The following PRELID2 variants were observed in gnomAD, a reference collection of about 807,000 sequenced individuals.
The protein encoded by PRELID2 is PRELI domain containing 2.
Under a neutral mutation model 28.4 loss-of-function variants are expected in PRELID2, and 25 were observed. The ratio of observed to expected loss-of-function variants is 0.88; its 90% CI spans 0.64 to 1.23. The LOEUF (loss-of-function observed/expected upper bound fraction) is 1.23, where lower values mean the gene tolerates loss of function less well. PRELID2 is among the 50% of genes most tolerant of loss of function. The pLI is 0.00. For synonymous variants in PRELID2, 76 were observed against 71.6 expected, an observed-to-expected ratio of 1.06 and a Z score of -0.31; for missense variants, 201 against 214.4, an observed-to-expected ratio of 0.94 and a Z score of 0.39.
intron 1 of PRELID2, among the ~76,000 whole-genome samples, chr5:145,527,730 G>T (rs1473742108): frequency 2.6e-5 from 4 of 152,146 alleles, no homozygotes; most frequent in Non-Finnish European, 4.4e-5. Flanking sequence ...CCTTCAGCAA[G>T]TTGTTTAACT....
At chr5:145,632,588 T>C (rs1753947931) in intron 1 of PRELID2, among the ~76,000 whole-genome samples, 1 of 152,076 alleles carries the variant, frequency 6.6e-6, no homozygotes, top group Non-Finnish European at 1.5e-5. Context: ...ATTTTGCAAA[T>C]TTTGAAATAT....
intron 1 of PRELID2, among the ~76,000 whole-genome samples, chr5:145,675,495 C>G (rs1220613290): frequency 6.6e-6 from 1 of 152,168 alleles, no homozygotes; most frequent in Admixed American, 6.5e-5. Context: ...AGCATTTACC[C>G]TTTGACTCAG....
At chr5:145,508,589 G>T (rs1450898812) in intron 1 of PRELID2, among the ~76,000 whole-genome samples, 4 of 152,064 alleles carry the variant, frequency 2.6e-5, no homozygotes, top group Non-Finnish European at 4.4e-5. Flanking sequence ...TAAAAAGAAA[G>T]AAAACATTGT....
At chr5:145,600,299 G>A (rs62394188) in intron 1 of PRELID2, among the ~76,000 whole-genome samples, 15,918 of 151,264 alleles carry the variant, frequency 0.11, 1,115 homozygotes, top group Admixed American at 0.2. Flanking sequence ...GCTAGATCCC[G>A]AGTAAAATCT....
intron 1 of PRELID2, among the ~76,000 whole-genome samples, chr5:145,582,149 T>A (rs750056491): frequency 2.6e-4 from 40 of 152,190 alleles, no homozygotes; most frequent in Non-Finnish European, 4.4e-4. Flanking sequence ...TATCACCTAC[T>A]GTCAAGGAAG....
At chr5:145,269,625 AT>A in the PRELID2 span, among the ~76,000 whole-genome samples, 3 of 151,642 alleles carry the variant, frequency 2.0e-5, no homozygotes, top group African/African-American at 7.3e-5. Flanking sequence ...ACAATAAAAA[AT>A]TTTTCATAGA....
chr5:145,588,787 C>G (rs1379054773), intron 1 of PRELID2, among the ~76,000 whole-genome samples: 1 of 151,744 alleles, frequency 6.6e-6, no homozygotes, highest in Admixed American at 6.6e-5. Flanking sequence ...TGGAAGGCAG[C>G]ACCAGCAGCA....
chr5:145,713,348 CTT>C (rs1755746684), intron 1 of PRELID2, among the ~76,000 whole-genome samples: 1 of 108,350 alleles, frequency 9.2e-6, no homozygotes, highest in East Asian at 2.2e-4. Flanking sequence ...TGATATCTGA[CTT>C]TATATATATA....
the PRELID2 span, among the ~76,000 whole-genome samples, chr5:145,377,703 A>T: frequency 1.3e-5 from 2 of 151,406 alleles, no homozygotes; most frequent in African/African-American, 4.9e-5. Context: ...TTCTTGGTAA[A>T]TTTTTCTCCA....
At chr5:145,826,136 G>A (rs1398456400) in intron 1 of PRELID2, 2 of 985,394 alleles carry the variant, frequency 2.0e-6, no homozygotes, top group African/African-American at 1.7e-5. Context: ...TGTTCACGCA[G>A]GGTGCTATCC....
At chr5:145,302,183 A>G in the PRELID2 span, among the ~76,000 whole-genome samples, 1 of 151,148 alleles carries the variant, frequency 6.6e-6, no homozygotes, top group Non-Finnish European at 1.5e-5. Flanking sequence ...TTTTTCTGAG[A>G]CAGTCTCACT....
chr5:145,596,099 C>CAAAAAAAAAAAAAAAAAAAAAAAA lies in PRELID2; in HGVS notation n.71-122785_71-122784insTTTTTTTTTTTTTTTTTTTTTTTT, dbSNP rs552746530. Among the ~76,000 whole-genome samples the CAAAAAAAAAAAAAAAAAAAAAAAA allele has an allele frequency of 1.6e-4, 7 of 43,962 alleles. 1 individual carries two copies. The highest frequency in any genetic ancestry group is 2.9e-4 in the African/African-American group (3 of 10,392). 28.8% of individuals were successfully genotyped at this position (43,962 alleles called of 152,430 possible). ...TGGGTGACAGAGTGAGAGCCTGTCTCAAAAAAAAAAAAAAAAAAAAGTCTG... is the reference window on the plus strand; with the variant it reads ...TGGGTGACAGAGTGAGAGCCTGTCTCAAAAAAAAAAAAAAAAAAAAAAAAAAAAAAAAAAAAAAAAAAAAGTCTG... On this transcript the variant is annotated intron_variant and non_coding_transcript_variant, in intron 1 of 2. Transcript: ENST00000510259.
chr5:145,273,687 A>T, the PRELID2 span, among the ~76,000 whole-genome samples: 1 of 152,182 alleles, frequency 6.6e-6, no homozygotes, highest in Non-Finnish European at 1.5e-5. Context: ...GGGAGCTAAC[A>T]AGTTATTGAT....
At chr5:145,563,769 G>T (rs1463260899) in intron 1 of PRELID2, among the ~76,000 whole-genome samples, 2 of 152,198 alleles carry the variant, frequency 1.3e-5, no homozygotes, top group African/African-American at 2.4e-5. Context: ...ACCAGGGTTA[G>T]GGAGGTAGAA....
chr5:145,265,348 G>A, the PRELID2 span, among the ~76,000 whole-genome samples: 1 of 152,106 alleles, frequency 6.6e-6, no homozygotes, highest in Admixed American at 6.6e-5. Flanking sequence ...CCCATCTCAT[G>A]CTCACACATG....
chr5:145,335,820 T>C, the PRELID2 span, among the ~76,000 whole-genome samples: 2 of 152,326 alleles, frequency 1.3e-5, no homozygotes, highest in East Asian at 3.9e-4. Context: ...ATGGTATTTC[T>C]AGTTCTAGAT....
intron 1 of PRELID2, among the ~76,000 whole-genome samples, chr5:145,530,332 A>G (rs1752643971): frequency 6.6e-6 from 1 of 152,144 alleles, no homozygotes; most frequent in African/African-American, 2.4e-5. Flanking sequence ...TCCCAGTCAC[A>G]TTGGGATCAC....
intron 1 of PRELID2, among the ~76,000 whole-genome samples, chr5:145,622,407 T>G (rs143787589): frequency 1.3e-5 from 2 of 152,154 alleles, no homozygotes; most frequent in African/African-American, 2.4e-5. Context: ...ACTAACAGAC[T>G]TTAGCAGTAA....
At chr5:145,296,016 A>G in the PRELID2 span, among the ~76,000 whole-genome samples, 1 of 152,006 alleles carries the variant, frequency 6.6e-6, no homozygotes, top group Non-Finnish European at 1.5e-5. Context: ...CAGACAAAAT[A>G]TAGGGAAGTG....
Sources: allele counts gnomAD v4.1 joint callset (sites outside exome capture counted in the v4.1 genomes callset), GRCh38; gene constraint gnomAD v4.1.1; transcripts MANE v1.5; gene names NCBI Gene and HGNC (gene_info 2026-07-23, HGNC 2026-07-21).